Variants in CFL1 observed in about 807,000 individuals in gnomAD.
CFL1 encodes the protein cofilin 1.
CFL1 carries 2 observed loss-of-function variants against 16.3 expected under a neutral mutation model. That is an observed-to-expected ratio of 0.12 (90% CI 0.05 to 0.39). CFL1 has a LOEUF of 0.39. Among genes scored for constraint, CFL1 ranks in the 10% least tolerant of loss-of-function variants. The pLI, the probability that CFL1 is intolerant of heterozygous loss-of-function variation, is 0.99. For missense variants in CFL1, 75 were observed against 212.2 expected, an observed-to-expected ratio of 0.35 and a Z score of 4.02; for synonymous variants, 111 against 84.4, an observed-to-expected ratio of 1.31 and a Z score of -1.73.
chr11:65,857,872 T>A, intron 1 of CFL1: 1 of 328,542 alleles, frequency 3.0e-6, no homozygotes, highest in Admixed American at 5.0e-5. Flanking sequence ...CACCAGCGGG[T>A]GGGGGAGGGG....
Position 65,855,356 on chromosome 11 carries a change from G to A in CFL1, c.481C>T (p.Leu161=), listed in dbSNP as rs1273894413. The change falls in exon 4 of 4, where the codon CTG becomes TTG. Residue 161 remains leucine (L), a synonymous_variant. Transcript: ENST00000308162. Reference sequence around the variant, plus strand: ...GGGGCTCACAAAGGCTTGCCCTCCAGGGAGATGACGGCACTGCCCCCCAGC... The same window carrying A: ...GGGGCTCACAAAGGCTTGCCCTCCAAGGAGATGACGGCACTGCCCCCCAGC... ...EKLGGSAVIS[L]EGKPL is the part of the protein sequence containing the mutation. 6.2e-7 allele frequency: 1 copy of A among 1,611,790 alleles called. No homozygotes were observed. The highest frequency in any genetic ancestry group is 1.3e-5 in the African/African-American group (1 of 74,994).
Position 65,856,128 on chromosome 11 carries a change from G to A in CFL1, c.118C>T (p.Leu40=). The change falls in exon 2 of 4, where the codon CTG becomes TTG. Residue 40 remains leucine (L), a synonymous_variant. Coordinates refer to ENST00000308162, the MANE Select transcript of CFL1 (RefSeq NM_005507.3). ...ATGATGTTCTTCTTGTCCTCACTCA[G>A]GCAGAAGAGCACCGCCTTCTTGCGC... is the stretch of plus-strand genomic sequence containing the variant. ...KKRKKAVLFC[L]SEDKKNIILE... is the part of the protein sequence containing the mutation. The A allele has an allele frequency of 6.2e-7, 1 of 1,614,114 alleles. No individual in the cohort carries two copies. Among genetic ancestry groups the A allele is most frequent in the Non-Finnish European group, 8.5e-7 (1 of 1,180,038 alleles).
rs373497422 is a variant in CFL1 at position 65,855,715 on chromosome 11, C to G, written c.327G>C (p.Ala109=). The G allele has an allele frequency of 1.9e-6, 3 of 1,557,468 alleles. No individual in the cohort carries two copies. Among genetic ancestry groups the G allele is most frequent in the Admixed American group, 2.0e-5 (1 of 49,996 alleles). ...CATAAATCATTTTGCTCTTAAGGGG[C>G]GCAGACTCGGGGGCCCTGGACAGAA... The part of the protein sequence containing the change: ...LVFIFWAPES[A]PLKSKMIYAS... Residue 109 remains alanine, a synonymous_variant, in exon 3 of 4, where the codon GCG becomes GCC. Transcript: ENST00000308162.
chr11:65,855,876 G>A (rs652021), intron 2 of CFL1, 59 bp downstream of exon 2: 981,428 of 1,566,118 alleles, frequency 0.63, 318,422 homozygotes, highest in Middle Eastern at 0.7. Context: ...AGGAGCCACA[G>A]AAGTTCCCAT....
chr11:65,855,516 G>A (rs1402432775), intron 3 of CFL1, 68 bp from the exon 4 acceptor site: 20 of 1,569,488 alleles, frequency 1.3e-5, no homozygotes, highest in Middle Eastern at 3.3e-4. Flanking sequence ...CTGTGGCTGG[G>A]AAGGAGCCAA....
chr11:65,855,752 G>T (rs370856681), intron 2 of CFL1, 22 bp from the exon 3 acceptor site: 4 of 1,526,788 alleles, frequency 2.6e-6, no homozygotes, highest in Admixed American at 4.3e-5. Flanking sequence ...CACGCGTCAG[G>T]CAACTCCCAG....
chr11:65,856,574 C>T, intron 1 of CFL1: 1 of 292,032 alleles, frequency 3.4e-6, no homozygotes, highest in East Asian at 9.2e-5. Context: ...ACAGTACTTG[C>T]TCTCAGCCTT....
In CFL1 at chr11:65,855,120, T is replaced by TCAAAAG; in HGVS notation, c.*210_*215dup. The TCAAAAG allele has an allele frequency of 1.9e-6, 1 of 524,980 alleles. No homozygotes were observed. The highest frequency in any genetic ancestry group is 3.4e-6 in the Non-Finnish European group (1 of 290,484). 32.5% of individuals were successfully genotyped at this position (524,980 alleles called of 1,614,324 possible). A position where few individuals can be genotyped will look rare whatever the true frequency, so the allele number is the denominator to read the frequency against. On this transcript the variant is annotated 3_prime_UTR_variant, in exon 4 of 4. Coordinates refer to ENST00000308162, the MANE Select transcript of CFL1 (RefSeq NM_005507.3). ...CTTCAGCCCAAGAGGAATCAAAAGA[T>TCAAAAG]CAAAAGCAGTTTGGGAAGGCCAGAA...
In CFL1 at chr11:65,858,158, C is replaced by A. The variant is rs1859424055; in HGVS notation, c.-59G>T. On this transcript the variant is annotated 5_prime_UTR_variant, in exon 1 of 4. Transcript: ENST00000308162. ...GCCGCAGAAGACGAGAGCGCTGCAG[C>A]CGCTGCCGGGACCCGACTGAACGCG... 1 of 1,509,450 alleles carries A rather than the reference C, an allele frequency of 6.6e-7. No individual in the cohort carries two copies. Among genetic ancestry groups the A allele is most frequent in the Non-Finnish European group, 8.9e-7 (1 of 1,127,370 alleles). 93.5% of individuals were successfully genotyped at this position (1,509,450 alleles called of 1,614,324 possible). A position where few individuals can be genotyped will look rare whatever the true frequency, so the allele number is the denominator to read the frequency against.
In CFL1 at chr11:65,855,114, A is replaced by T. The variant is rs1859359746; in HGVS notation, c.*222T>A. ...GGTCTGCTTCAGCCCAAGAGGAATC[A>T]AAAGATCAAAAGCAGTTTGGGAAGG... is the stretch of plus-strand genomic sequence containing the variant. On this transcript the variant is annotated 3_prime_UTR_variant, in exon 4 of 4. Coordinates refer to ENST00000308162, the MANE Select transcript of CFL1 (RefSeq NM_005507.3). 3.9e-6 allele frequency: 2 copies of T among 517,138 alleles called. No individual in the cohort carries two copies. The highest frequency in any genetic ancestry group is 3.3e-5 in the Admixed American group (1 of 30,766). 32.0% of individuals were successfully genotyped at this position (517,138 alleles called of 1,614,324 possible).
At chr11:65,855,497 G>A in intron 3 of CFL1, 49 bp from the exon 4 acceptor site, 3 of 1,590,502 alleles carry the variant, frequency 1.9e-6, no homozygotes, top group Non-Finnish European at 1.7e-6. Context: ...ACTGGGGTGG[G>A]GGTAGTTTCT....
chr11:65,855,570 G>T, intron 3 of CFL1, 84 bp downstream of exon 3: 12 of 1,551,456 alleles, frequency 7.7e-6, no homozygotes, highest in South Asian at 7.0e-5. Flanking sequence ...AGACAAGGGG[G>T]CAGACCCCCT....
chr11:65,857,935 G>GGC (rs1035817885), intron 1 of CFL1, 162 bp downstream of exon 1: 62 of 632,134 alleles, frequency 9.8e-5, no homozygotes, highest in South Asian at 1.4e-4. Context: ...GGCGCCCACG[G>GGC]GCGCGCACGC....
At position 65,856,101 on chromosome 11, in the gene CFL1, G is replaced by C. The variant is rs557608247; in HGVS notation, c.145C>G (p.Leu49Val). Residue 49 changes from leucine to valine, a missense_variant, in exon 2 of 4, where the codon CTG becomes GTG. Transcript: ENST00000308162. ...CLSEDKKNIILEEGKEILVGD... is the reference protein window; with the variant it reads ...CLSEDKKNIIVEEGKEILVGD... Reference sequence around the variant, plus strand: ...ACCAGGATCTCCTTGCCCTCCTCCAGGATGATGTTCTTCTTGTCCTCACTC... The same window carrying C: ...ACCAGGATCTCCTTGCCCTCCTCCACGATGATGTTCTTCTTGTCCTCACTC... The C allele has an allele frequency of 6.2e-7, 1 of 1,614,128 alleles. No homozygotes were observed. Among genetic ancestry groups the C allele is most frequent in the Non-Finnish European group, 8.5e-7 (1 of 1,180,024 alleles).
rs1859360376 is a variant in CFL1, at chr11:65,855,146, C to T, written c.*190G>A. 5.3e-6 allele frequency: 3 copies of T among 568,710 alleles called. No individual in the cohort carries two copies. Among genetic ancestry groups the T allele is most frequent in the Non-Finnish European group, 9.5e-6 (3 of 316,390 alleles). 35.2% of individuals were successfully genotyped at this position (568,710 alleles called of 1,614,324 possible). ...CAAAAGCAGTTTGGGAAGGCCAGAA[C>T]CGTCAAGGGATGGAGGGAGAAGGAA... On this transcript the variant is annotated 3_prime_UTR_variant, in exon 4 of 4. Coordinates refer to ENST00000308162, the MANE Select transcript of CFL1 (RefSeq NM_005507.3).
At chr11:65,856,357 G>GT (rs1565259474) in intron 1 of CFL1, 115 bp from the exon 2 acceptor site, 2 of 1,011,768 alleles carry the variant, frequency 2.0e-6, no homozygotes, top group Non-Finnish European at 2.9e-6. Flanking sequence ...CCCAAGGCAA[G>GT]TCACTAGTTT....
intron 1 of CFL1, chr11:65,857,160 A>C (rs930623042): frequency 5.6e-6 from 1 of 178,526 alleles, no homozygotes; most frequent in African/African-American, 2.4e-5. Flanking sequence ...AATCGCCCTA[A>C]AACAACGGGT....
In CFL1 at chr11:65,855,464, G is replaced by A. The variant is rs772426024; in HGVS notation, c.389-16C>T. On this transcript the variant is annotated splice_polypyrimidine_tract_variant and intron_variant, in intron 3 of 3. Transcript: ENST00000308162. ...TGCTTGATCCCTATAAAGAAGAAAG[G>A]GGAGCATCTGTGAGCAGGAAGCACT... 8 of 1,611,878 alleles carry A rather than the reference G, an allele frequency of 5.0e-6. No individual in the cohort carries two copies. Among genetic ancestry groups the A allele is most frequent in the South Asian group, 2.2e-5 (2 of 91,012 alleles).
At position 65,858,159 on chromosome 11, in the gene CFL1, C is replaced by G; in HGVS notation, c.-60G>C. 4 of 1,508,698 alleles carry G rather than the reference C, an allele frequency of 2.7e-6. No individual in the cohort carries two copies. The highest frequency in any genetic ancestry group is 3.5e-6 in the Non-Finnish European group (4 of 1,126,964). The allele number at this position is 1,508,698 out of a possible 1,614,324, so 93.5% of individuals were successfully genotyped here. A position where few individuals can be genotyped will look rare whatever the true frequency, so the allele number is the denominator to read the frequency against. ...CCGCAGAAGACGAGAGCGCTGCAGCCGCTGCCGGGACCCGACTGAACGCGG... is the reference window on the plus strand; with the variant it reads ...CCGCAGAAGACGAGAGCGCTGCAGCGGCTGCCGGGACCCGACTGAACGCGG... On this transcript the variant is annotated 5_prime_UTR_variant, in exon 1 of 4. Coordinates refer to ENST00000308162, the MANE Select transcript of CFL1 (RefSeq NM_005507.3).
Sources: allele counts gnomAD v4.1 joint callset, GRCh38; gene constraint gnomAD v4.1.1; transcripts MANE v1.5; gene names NCBI Gene and HGNC (gene_info 2026-07-23, HGNC 2026-07-21).